The following CMAS variants were observed in gnomAD, a reference collection of about 807,000 sequenced individuals.
CMAS encodes cytidine monophosphate N-acetylneuraminic acid synthetase, also known as N-acylneuraminate cytidylyltransferase.
Under a neutral mutation model 53.4 loss-of-function variants are expected in CMAS, and 21 were observed. The ratio of observed to expected loss-of-function variants is 0.39; its 90% CI spans 0.28 to 0.57. The LOEUF (loss-of-function observed/expected upper bound fraction) is 0.57. CMAS is among the 20% of genes least tolerant of loss of function. CMAS has a pLI of 0.56. For missense variants in CMAS, 384 were observed against 534.9 expected (o/e 0.72, Z 2.78); for synonymous variants, 189 against 195.2 (o/e 0.97, Z 0.27).
chr12:22,058,317 T>C (rs1391232438), intron 3 of CMAS, among the ~76,000 whole-genome samples: 2 of 149,848 alleles, frequency 1.3e-5, no homozygotes, highest in African/African-American at 4.9e-5. Context: ...CCCAGCTACT[T>C]GGGAGGCTGA....
intron 4 of CMAS, among the ~76,000 whole-genome samples, chr12:22,059,136 A>T (rs1950290392): frequency 8.3e-6 from 1 of 120,434 alleles, no homozygotes; most frequent in Admixed American, 8.0e-5. Flanking sequence ...TTTTATATAT[A>T]TATATATATA....
chr12:22,053,307 T>C (rs1346600470), intron 1 of CMAS, among the ~76,000 whole-genome samples: 1 of 151,288 alleles, frequency 6.6e-6, no homozygotes, highest in East Asian at 2.0e-4. Context: ...AAACAAAACA[T>C]GCAGTTCATC....
intron 4 of CMAS, among the ~76,000 whole-genome samples, chr12:22,059,010 T>C (rs1332871147): frequency 6.6e-6 from 1 of 151,924 alleles, no homozygotes; most frequent in African/African-American, 2.4e-5. Context: ...AATCCATGTT[T>C]GTGTTATAGT....
intron 3 of CMAS, among the ~76,000 whole-genome samples, chr12:22,056,178 G>C (rs1377429920): frequency 2.6e-5 from 4 of 152,010 alleles, no homozygotes; most frequent in African/African-American, 9.7e-5. Flanking sequence ...ATTTTCTGTT[G>C]AAATTTTCCA....
chr12:22,062,259 CCTTT>C lies in CMAS; in HGVS notation c.961-21_961-18del. The C allele has an allele frequency of 1.5e-6, 2 of 1,376,208 alleles. No homozygotes were observed. The highest frequency in any genetic ancestry group is 1.9e-6 in the Non-Finnish European group (2 of 1,027,340). The allele number at this position is 1,376,208 out of a possible 1,614,324, so 85.2% of individuals were successfully genotyped here. On this transcript the variant is annotated intron_variant, in intron 6 of 7. Coordinates refer to ENST00000229329, the MANE Select transcript of CMAS (RefSeq NM_018686.6). ...TTAATTTTTCCCTTCTTCCTCCAAT[CCTTT>C]TTTTTTTTTTTTTTAAGGTGAGGCT...
Position 22,055,249 on chromosome 12 carries a change from A to C in CMAS, c.361A>C (p.Thr121Pro), listed in dbSNP as rs372910806. ...RSSEVSKDSS[T>P]SLDAIIEFLN... ...TTCTGAAGTTTCAAAAGACAGCTCTACCTCACTAGATGCCATCATAGAATT... is the reference window on the plus strand; with the variant it reads ...TTCTGAAGTTTCAAAAGACAGCTCTCCCTCACTAGATGCCATCATAGAATT... The change falls in exon 2 of 8, where the codon ACC becomes CCC. Residue 121 changes from threonine (T) to proline (P), a missense_variant. By Grantham distance (38) the Thr-to-Pro change is conservative. Coordinates refer to ENST00000229329, the MANE Select transcript of CMAS (RefSeq NM_018686.6). The C allele has an allele frequency of 1.1e-5, 18 of 1,609,956 alleles. No homozygotes were observed. In the African/African-American group the frequency reaches 2.0e-4, roughly 18 times the overall value.
chr12:22,050,887 A>G (rs1370831898), intron 1 of CMAS, among the ~76,000 whole-genome samples: 1 of 151,984 alleles, frequency 6.6e-6, no homozygotes, highest in Non-Finnish European at 1.5e-5. Context: ...TATATACTAG[A>G]TCATTAAAAT....
At position 22,065,412 on chromosome 12, in the gene CMAS, G is replaced by A; in HGVS notation, c.*101G>A. ...TCCATGTTGTAATGTTACAGAGAGT[G>A]TGATTTGGTTTGTGATATATATATA... On this transcript the variant is annotated 3_prime_UTR_variant, in exon 8 of 8. Coordinates refer to ENST00000229329, the MANE Select transcript of CMAS (RefSeq NM_018686.6). The A allele has an allele frequency of 1.1e-6, 1 of 905,850 alleles. No homozygotes were observed. The highest frequency in any genetic ancestry group is 2.5e-5 in the East Asian group (1 of 40,260). 56.1% of individuals were successfully genotyped at this position (905,850 alleles called of 1,614,324 possible).
chr12:22,056,282 A>G (rs2138183434), intron 3 of CMAS, among the ~76,000 whole-genome samples: 1 of 152,316 alleles, frequency 6.6e-6, no homozygotes, highest in Middle Eastern at 3.4e-3. Context: ...TTCAACATCT[A>G]GTCACTTACA....
Position 22,058,027 on chromosome 12 carries a change from A to G in CMAS, c.560-540A>G, listed in dbSNP as rs908356314. Among the ~76,000 whole-genome samples the G allele has an allele frequency of 5.9e-5, 9 of 151,564 alleles. No individual in the cohort carries two copies. In the South Asian group the frequency reaches 8.4e-4, roughly 14 times the overall value. On this transcript the variant is annotated intron_variant, in intron 3 of 7. Coordinates refer to ENST00000229329, the MANE Select transcript of CMAS (RefSeq NM_018686.6). Reference sequence around the variant, plus strand: ...TTTTTAGTGGAGATGGCGTTTCACTATGTTGGCTGGGCTGCTCTCGAACTC... The same window carrying G: ...TTTTTAGTGGAGATGGCGTTTCACTGTGTTGGCTGGGCTGCTCTCGAACTC...
chr12:22,057,554 C>T (rs1950276322), intron 3 of CMAS, among the ~76,000 whole-genome samples: 2 of 151,978 alleles, frequency 1.3e-5, no homozygotes, highest in South Asian at 4.2e-4. Flanking sequence ...AACAAGTTCT[C>T]AACCACATTA....
At chr12:22,062,844 T>G (rs1377210693) in intron 7 of CMAS, among the ~76,000 whole-genome samples, 1 of 152,202 alleles carries the variant, frequency 6.6e-6, no homozygotes, top group Admixed American at 6.5e-5. Flanking sequence ...TTTTTGCTGC[T>G]AATTGAATGT....
intron 1 of CMAS, among the ~76,000 whole-genome samples, chr12:22,052,621 G>A (rs371181047): frequency 4.6e-5 from 7 of 151,912 alleles, no homozygotes; most frequent in African/African-American, 1.2e-4. Flanking sequence ...TTATCCTCTC[G>A]TCATCTCTAT....
intron 4 of CMAS, among the ~76,000 whole-genome samples, chr12:22,059,212 T>C (rs1011899275): frequency 2.7e-5 from 4 of 150,302 alleles, no homozygotes; most frequent in African/African-American, 9.7e-5. Context: ...TGAATATGTA[T>C]CATTTTATCT....
At chr12:22,053,947 G>T (rs1473090864) in intron 1 of CMAS, among the ~76,000 whole-genome samples, 1 of 145,796 alleles carries the variant, frequency 6.9e-6, no homozygotes, top group African/African-American at 2.5e-5. Flanking sequence ...TTTTTTTTGA[G>T]ACAGGGTCTC....
intron 1 of CMAS, among the ~76,000 whole-genome samples, chr12:22,046,992 C>T (rs920458439): frequency 3.3e-5 from 5 of 152,040 alleles, no homozygotes; most frequent in South Asian, 2.1e-4. Flanking sequence ...TGGTGCTGCT[C>T]GATTAGGGAG....
chr12:22,061,442 G>C lies in CMAS; in HGVS notation c.950G>C (p.Ser317Thr), dbSNP rs748007811. The change falls in exon 6 of 8, where the codon AGT (serine) becomes ACT (threonine). Residue 317 changes from serine to threonine, a missense_variant. Ser to Thr is a moderately conservative substitution (Grantham distance 58). Transcript: ENST00000229329. ...DAIGISLLKK[S>T]GIEVRLISER... is the part of the protein sequence containing the mutation. Reference sequence around the variant, plus strand: ...ATTGGGATAAGTTTATTAAAGAAAAGTGGTATTGAGGTATGTGCTCCCTGA... The same window carrying C: ...ATTGGGATAAGTTTATTAAAGAAAACTGGTATTGAGGTATGTGCTCCCTGA... The C allele has an allele frequency of 6.3e-7, 1 of 1,586,582 alleles. No homozygotes were observed. The highest frequency in any genetic ancestry group is 2.2e-5 in the East Asian group (1 of 44,554).
At position 22,060,934 on chromosome 12, in the gene CMAS, C is replaced by A. The variant is rs1950305207; in HGVS notation, c.788+8C>A. The A allele has an allele frequency of 2.0e-6, 3 of 1,465,182 alleles. No individual in the cohort carries two copies. The highest frequency in any genetic ancestry group is 2.9e-6 in the Non-Finnish European group (3 of 1,045,238). 90.8% of individuals were successfully genotyped at this position (1,465,182 alleles called of 1,614,324 possible). Reference sequence around the variant, plus strand: ...AGAGCAAAGAGTATTAAGGTAAAAACAAATAAACCTTTATAACCTTTGTAC... The same window carrying A: ...AGAGCAAAGAGTATTAAGGTAAAAAAAAATAAACCTTTATAACCTTTGTAC... On this transcript the variant is annotated splice_region_variant and intron_variant, in intron 5 of 7. Transcript: ENST00000229329.
chr12:22,046,250 G>T lies in CMAS; in HGVS notation c.-54G>T, dbSNP rs1391826546. The T allele has an allele frequency of 1.4e-6, 2 of 1,395,730 alleles. No homozygotes were observed. The highest frequency in any genetic ancestry group is 1.5e-5 in the African/African-American group (1 of 65,526). 86.5% of individuals were successfully genotyped at this position (1,395,730 alleles called of 1,614,324 possible). A position where few individuals can be genotyped will look rare whatever the true frequency, so the allele number is the denominator to read the frequency against. ...GATCGGGCGGCGCCGAGCTGAGGTG[G>T]TGAGGGACTAGCTCCCGGATGTGGA... On this transcript the variant is annotated 5_prime_UTR_variant, in exon 1 of 8. Transcript: ENST00000229329.
Sources: allele counts gnomAD v4.1 joint callset (sites outside exome capture counted in the v4.1 genomes callset), GRCh38; gene constraint gnomAD v4.1.1; transcripts MANE v1.5; gene names NCBI Gene and HGNC (gene_info 2026-07-23, HGNC 2026-07-21).